Variants in VTI1A observed in about 807,000 individuals in gnomAD.
VTI1A encodes the protein vesicle transport through interaction with t-SNAREs homolog 1A.
VTI1A carries 22 observed loss-of-function variants against 34.9 expected under a neutral mutation model. The observed-to-expected ratio is 0.63, with a 90% CI of 0.45 to 0.90. The LOEUF (loss-of-function observed/expected upper bound fraction) is 0.90, where lower values mean the gene tolerates loss of function less well. Among genes scored for constraint, VTI1A ranks in the 40% least tolerant of loss-of-function variants. VTI1A has a pLI of 0.00. For synonymous variants in VTI1A, 87 were observed against 97.3 expected (o/e 0.89, Z 0.62); for missense variants, 268 against 275.6 (o/e 0.97, Z 0.20).
At chr10:112,754,077 G>A (rs568561665) in intron 7 of VTI1A, among the ~76,000 whole-genome samples, 33 of 152,252 alleles carry the variant, frequency 2.2e-4, no homozygotes, top group African/African-American at 7.0e-4. Flanking sequence ...CATTCTGTTC[G>A]GGACATTGCA....
chr10:112,839,071 G>A, the VTI1A span, among the ~76,000 whole-genome samples: 26 of 152,192 alleles, frequency 1.7e-4, no homozygotes, highest in Non-Finnish European at 1.5e-4. Flanking sequence ...GGTTCTGCTG[G>A]TTGCCCCTCC....
chr10:112,498,721 A>G (rs553238450), intron 3 of VTI1A, among the ~76,000 whole-genome samples: 2 of 152,334 alleles, frequency 1.3e-5, no homozygotes, highest in South Asian at 4.1e-4. Flanking sequence ...GATTGAGTGG[A>G]CGCAGTTAGA....
intron 1 of VTI1A, among the ~76,000 whole-genome samples, chr10:112,455,651 C>T (rs1452105293): frequency 8.6e-6 from 1 of 116,930 alleles, no homozygotes; most frequent in Non-Finnish European, 1.7e-5. Context: ...TCCTTCTCCC[C>T]TCCCTCCCTT....
chr10:112,456,474 G>A (rs568130329), intron 1 of VTI1A, among the ~76,000 whole-genome samples: 20 of 150,418 alleles, frequency 1.3e-4, no homozygotes, highest in African/African-American at 3.2e-4. Flanking sequence ...TTTAATGACC[G>A]TTGTACCCCC....
At chr10:112,759,034 G>C (rs536476210) in intron 7 of VTI1A, among the ~76,000 whole-genome samples, 1 of 152,290 alleles carries the variant, frequency 6.6e-6, no homozygotes, top group Admixed American at 6.5e-5. Context: ...TCAGAGATGA[G>C]TCTCCTGCCC....
intron 5 of VTI1A, among the ~76,000 whole-genome samples, chr10:112,591,810 A>G (rs1844402155): frequency 6.6e-6 from 1 of 152,230 alleles, no homozygotes; most frequent in Non-Finnish European, 1.5e-5. Context: ...TTTACATTAC[A>G]TGCCAAAAGG....
At chr10:112,468,893 T>G (rs891189916) in intron 3 of VTI1A, among the ~76,000 whole-genome samples, 5 of 152,130 alleles carry the variant, frequency 3.3e-5, no homozygotes, top group African/African-American at 1.2e-4. Flanking sequence ...ACTGGGTCAC[T>G]GAGAATTAGC....
intron 7 of VTI1A, among the ~76,000 whole-genome samples, chr10:112,756,306 C>G (rs1851281530): frequency 6.6e-6 from 1 of 152,158 alleles, no homozygotes; most frequent in Non-Finnish European, 1.5e-5. Flanking sequence ...TGTGTTACGG[C>G]ATGACTACTT....
intron 7 of VTI1A, among the ~76,000 whole-genome samples, chr10:112,787,994 C>T: frequency 6.6e-6 from 1 of 151,658 alleles, no homozygotes; most frequent in Non-Finnish European, 1.5e-5. Flanking sequence ...AGCCACCGCG[C>T]CTGGCCACCA....
intron 7 of VTI1A, among the ~76,000 whole-genome samples, chr10:112,759,831 G>A (rs564628101): frequency 1.3e-5 from 2 of 152,184 alleles, no homozygotes; most frequent in South Asian, 4.2e-4. Context: ...GGTCTGCCTG[G>A]ATCAGAAGAC....
At chr10:112,729,760 A>G (rs1850181927) in intron 7 of VTI1A, among the ~76,000 whole-genome samples, 2 of 152,148 alleles carry the variant, frequency 1.3e-5, no homozygotes, top group Non-Finnish European at 2.9e-5. Flanking sequence ...TCAGGTGGGC[A>G]CTCCATTTTC....
chr10:112,527,005 T>G (rs746235258), intron 3 of VTI1A, 82 bp from the exon 4 acceptor site: 2 of 1,399,498 alleles, frequency 1.4e-6, no homozygotes, highest in Non-Finnish European at 2.0e-6. Flanking sequence ...AGGTTTGAGA[T>G]CAGCCTTGAT....
chr10:112,586,545 A>G (rs1218382870), intron 5 of VTI1A, among the ~76,000 whole-genome samples: 1 of 152,198 alleles, frequency 6.6e-6, no homozygotes, highest in Non-Finnish European at 1.5e-5. Flanking sequence ...AAAATAAAGG[A>G]TAATTTTGAC....
At chr10:112,642,363 C>T (rs372741668) in intron 5 of VTI1A, among the ~76,000 whole-genome samples, 3 of 152,274 alleles carry the variant, frequency 2.0e-5, no homozygotes, top group South Asian at 2.1e-4. Context: ...CTGATCCCCC[C>T]CTCTCCATCA....
At chr10:112,714,751 G>A (rs1564896074) in intron 7 of VTI1A, among the ~76,000 whole-genome samples, 2 of 152,192 alleles carry the variant, frequency 1.3e-5, no homozygotes, top group African/African-American at 4.8e-5. Context: ...CAGGAAAATG[G>A]TATCTGGGTG....
intron 7 of VTI1A, among the ~76,000 whole-genome samples, chr10:112,802,664 G>A (rs937170851): frequency 1.2e-4 from 19 of 152,222 alleles, no homozygotes; most frequent in African/African-American, 4.6e-4. Context: ...GAGTAGAGCC[G>A]GGTTGGATTT....
chr10:112,453,849 G>C (rs1847331013), intron 1 of VTI1A, among the ~76,000 whole-genome samples: 2 of 151,970 alleles, frequency 1.3e-5, no homozygotes, highest in Admixed American at 1.3e-4. Context: ...TTACTCCCGG[G>C]GTGTTGTTGC....
chr10:112,627,707 C>T lies in VTI1A; in HGVS notation c.428-40511C>T, dbSNP rs73350520. Among the ~76,000 whole-genome samples the T allele has an allele frequency of 2.1e-3, 325 of 152,118 alleles. 1 individual carries two copies. Among genetic ancestry groups the T allele is most frequent in the African/African-American group, 7.4e-3 (306 of 41,484 alleles). ...ATGAGATTATTTATTCAACAAATAT[C>T]GAAGCATCTACTATGTAACAGGACC... On this transcript the variant is annotated intron_variant, in intron 5 of 7. Transcript: ENST00000393077.
chr10:112,577,383 C>T (rs931835960), intron 5 of VTI1A, among the ~76,000 whole-genome samples: 2 of 152,122 alleles, frequency 1.3e-5, no homozygotes, highest in Admixed American at 6.5e-5. Context: ...ACCAGTCAAG[C>T]TTTCCCTAAT....
Sources: gnomAD v4.1 joint callset for allele counts (sites outside exome capture counted in the v4.1 genomes callset) on GRCh38, gnomAD v4.1.1 for gene constraint, MANE v1.5 for transcripts, NCBI Gene and HGNC (gene_info 2026-07-23, HGNC 2026-07-21) for gene names.